DENND1A: variants seen among roughly 807,000 people sequenced by gnomAD.
DENND1A encodes DENN domain-containing protein 1A.
Under a neutral mutation model 113.7 loss-of-function variants are expected in DENND1A, and 51 were observed. The observed-to-expected ratio is 0.45, with a 90% CI of 0.36 to 0.57. The LOEUF (loss-of-function observed/expected upper bound fraction) is 0.57, where lower values mean the gene tolerates loss of function less well. DENND1A is among the 20% of genes least tolerant of loss of function. DENND1A has a pLI of 0.00. For synonymous variants in DENND1A, 565 were observed against 570.8 expected (o/e 0.99, Z 0.14); for missense variants, 1,258 against 1,395.9 (o/e 0.90, Z 1.57).
chr9:123,480,968 T>C (rs957978983), intron 13 of DENND1A, among the ~76,000 whole-genome samples: 2 of 152,252 alleles, frequency 1.3e-5, no homozygotes, highest in African/African-American at 2.4e-5. Context: ...ATTATAGACA[T>C]GCGCACACAT....
intron 13 of DENND1A, among the ~76,000 whole-genome samples, chr9:123,489,860 A>G (rs895849761): frequency 1.3e-5 from 2 of 152,198 alleles, no homozygotes; most frequent in African/African-American, 4.8e-5. Flanking sequence ...TGTTGTCAAC[A>G]CTGCTGGTGA....
intron 11 of DENND1A, among the ~76,000 whole-genome samples, chr9:123,584,349 C>T (rs547589355): frequency 6.6e-6 from 1 of 152,360 alleles, no homozygotes; most frequent in African/African-American, 2.4e-5. Context: ...TCTGAGCATG[C>T]TGCATGTGGC....
rs550891724 is a variant in DENND1A, at chr9:123,479,600, C to T, written c.994-21703G>A. 5.3e-5 allele frequency among the ~76,000 whole-genome samples: 8 copies of T among 152,336 alleles called. No individual in the cohort carries two copies. The East Asian group carries it at 1.2e-3, about 22-fold the overall frequency. ...CAGCCCTCTGCTCCCCTCTGTCCCA[C>T]GGCTACTGAAACACGTAGGGACTGG... On this transcript the variant is annotated intron_variant, in intron 13 of 23. Coordinates refer to ENST00000394215, the MANE Select transcript of DENND1A (RefSeq NM_001352964.2).
At chr9:123,920,101 A>G (rs1855944701) in intron 1 of DENND1A, among the ~76,000 whole-genome samples, 2 of 152,180 alleles carry the variant, frequency 1.3e-5, no homozygotes, top group African/African-American at 4.8e-5. Flanking sequence ...ATAAAGTTTA[A>G]AAATAGGTTC....
intron 2 of DENND1A, among the ~76,000 whole-genome samples, chr9:123,804,877 T>C (rs1053760787): frequency 1.3e-5 from 2 of 152,202 alleles, no homozygotes; most frequent in Admixed American, 1.3e-4. Context: ...TTTCCTGTAG[T>C]CTGTTCTCAA....
intron 1 of DENND1A, among the ~76,000 whole-genome samples, chr9:123,920,435 CACAA>C (rs772670742): frequency 2.0e-5 from 3 of 152,016 alleles, no homozygotes; most frequent in Non-Finnish European, 4.4e-5. Flanking sequence ...GTCACACACA[CACAA>C]AAAAAACACT....
chr9:123,662,569 A>C (rs1442861816), intron 8 of DENND1A, among the ~76,000 whole-genome samples: 1 of 152,214 alleles, frequency 6.6e-6, no homozygotes, highest in East Asian at 1.9e-4. Flanking sequence ...TCAAAAAAAG[A>C]AGAAGAGAGT....
intron 13 of DENND1A, among the ~76,000 whole-genome samples, chr9:123,483,078 G>C (rs1312073428): frequency 6.6e-6 from 1 of 152,206 alleles, no homozygotes; most frequent in African/African-American, 2.4e-5. Flanking sequence ...GCAGCTGCCA[G>C]GCAGGAATGG....
At chr9:123,593,160 G>A (rs781289871) in intron 11 of DENND1A, among the ~76,000 whole-genome samples, 2 of 152,176 alleles carry the variant, frequency 1.3e-5, no homozygotes, top group East Asian at 3.9e-4. Context: ...CTTCTGAGAC[G>A]TCTTTGCAGT....
chr9:123,709,263 C>G (rs531813313), intron 5 of DENND1A, among the ~76,000 whole-genome samples: 1 of 152,166 alleles, frequency 6.6e-6, no homozygotes, highest in Non-Finnish European at 1.5e-5. Context: ...ATCCTACTCC[C>G]GACCCAGGCC....
chr9:123,699,515 T>C (rs2065742240), intron 5 of DENND1A, among the ~76,000 whole-genome samples: 1 of 151,986 alleles, frequency 6.6e-6, no homozygotes. Context: ...ATCTTCCAGG[T>C]TCCCCCCTCA....
intron 4 of DENND1A, among the ~76,000 whole-genome samples, chr9:123,761,065 A>G (rs903199457): frequency 1.3e-5 from 2 of 152,218 alleles, no homozygotes; most frequent in Non-Finnish European, 2.9e-5. Context: ...CAGGAAAAAG[A>G]CAGAGAATGA....
intron 3 of DENND1A, among the ~76,000 whole-genome samples, chr9:123,772,061 A>T (rs1829813587): frequency 6.6e-6 from 1 of 152,186 alleles, no homozygotes; most frequent in Admixed American, 6.5e-5. Context: ...ATATTATCGC[A>T]ATTGGAACTG....
rs2049418801 is a variant in DENND1A, at chr9:123,471,489, G to A, written c.994-13592C>T. On this transcript the variant is annotated intron_variant, in intron 13 of 23. Transcript: ENST00000394215. ...TGTACTCAAGCAGCCCCATTTCAGT[G>A]CATGTGACACGCGCTACCTGTGCAG... is the stretch of plus-strand genomic sequence containing the variant. Among the ~76,000 whole-genome samples, 4 of 152,246 alleles carry A rather than the reference G, an allele frequency of 2.6e-5. 1 individual carries two copies. The South Asian group carries it at 8.3e-4, about 32-fold the overall frequency.
intron 11 of DENND1A, among the ~76,000 whole-genome samples, chr9:123,601,425 A>C (rs1214475622): frequency 1.3e-5 from 2 of 152,238 alleles, no homozygotes. Context: ...CTTCTAAGGG[A>C]AATCTATCCA....
At chr9:123,915,710 G>T (rs1854969494) in intron 1 of DENND1A, among the ~76,000 whole-genome samples, 1 of 152,084 alleles carries the variant, frequency 6.6e-6, no homozygotes, top group Admixed American at 6.6e-5. Context: ...TTAACAACCA[G>T]AAAAACTAAA....
intron 19 of DENND1A, among the ~76,000 whole-genome samples, chr9:123,423,727 C>T (rs1488484746): frequency 6.6e-6 from 1 of 152,140 alleles, no homozygotes; most frequent in Non-Finnish European, 1.5e-5. Flanking sequence ...ACTTCTATTT[C>T]CATACTCCAG....
chr9:123,598,850 C>T (rs1010443148), intron 11 of DENND1A, among the ~76,000 whole-genome samples: 1 of 152,184 alleles, frequency 6.6e-6, no homozygotes, highest in Admixed American at 6.5e-5. Flanking sequence ...TCTTTGGAAA[C>T]AACGGACTCC....
At chr9:123,862,898 G>A (rs919072739) in intron 2 of DENND1A, among the ~76,000 whole-genome samples, 8 of 152,106 alleles carry the variant, frequency 5.3e-5, no homozygotes, top group African/African-American at 1.9e-4. Context: ...AAATGTTTGT[G>A]GTCAACATTA....
Sources: allele counts gnomAD v4.1 joint callset (sites outside exome capture counted in the v4.1 genomes callset), GRCh38; gene constraint gnomAD v4.1.1; transcripts MANE v1.5; gene names NCBI Gene and HGNC (gene_info 2026-07-23, HGNC 2026-07-21).